Variants in CADM1 observed in about 807,000 individuals in gnomAD.
The protein encoded by CADM1 is TSLC-1.
Under a neutral mutation model 53.1 loss-of-function variants are expected in CADM1, and 15 were observed. The observed-to-expected ratio is 0.28, with a 90% CI of 0.19 to 0.44. The LOEUF is 0.44. Among genes scored for constraint, CADM1 ranks in the 20% least tolerant of loss-of-function variants. The pLI, the probability that CADM1 is intolerant of heterozygous loss-of-function variation, is 1.00. For synonymous variants in CADM1, 281 were observed against 243.0 expected (o/e 1.16, Z -1.45); for missense variants, 434 against 611.3 (o/e 0.71, Z 3.06).
At chr11:115,238,986 T>C (rs914933393) in intron 2 of CADM1, among the ~76,000 whole-genome samples, 3 of 152,072 alleles carry the variant, frequency 2.0e-5, no homozygotes, top group South Asian at 2.1e-4. Flanking sequence ...TCAGGTTTTA[T>C]ACTAGAGATA....
intron 1 of CADM1, among the ~76,000 whole-genome samples, chr11:115,357,535 T>C (rs1945909321): frequency 6.6e-6 from 1 of 152,168 alleles, no homozygotes; most frequent in Non-Finnish European, 1.5e-5. Context: ...CAGTCAGCCT[T>C]GATTTCGGTG....
Position 115,173,889 on chromosome 11 carries a change from T to A in CADM1, c.*2585A>T, listed in dbSNP as rs1938892649. ...TTATACATCCTTCATTATTTTATAT[T>A]CCTTTAAAAAACACAAAAAACAAGT... On this transcript the variant is annotated 3_prime_UTR_variant, in exon 12 of 12. Transcript: ENST00000331581. 18 of 971,318 alleles carry A rather than the reference T, an allele frequency of 1.9e-5. No homozygotes were observed. The highest frequency in any genetic ancestry group is 2.2e-5 in the Non-Finnish European group (18 of 817,252). 60.2% of individuals were successfully genotyped at this position (971,318 alleles called of 1,614,324 possible). A position where few individuals can be genotyped will look rare whatever the true frequency, so the allele number is the denominator to read the frequency against.
chr11:115,231,306 T>G (rs528890135), intron 4 of CADM1, 47 bp downstream of exon 4: 2 of 1,606,634 alleles, frequency 1.2e-6, no homozygotes, highest in East Asian at 4.5e-5. Flanking sequence ...AAGGCATATC[T>G]GCTAGAATCA....
chr11:115,497,140 A>T (rs924257175), intron 1 of CADM1, among the ~76,000 whole-genome samples: 2 of 152,220 alleles, frequency 1.3e-5, no homozygotes, highest in Non-Finnish European at 2.9e-5. Flanking sequence ...CAAGAGCAAG[A>T]TACTTATTCT....
intron 1 of CADM1, among the ~76,000 whole-genome samples, chr11:115,485,387 A>G (rs1012843485): frequency 3.3e-5 from 5 of 152,220 alleles, no homozygotes; most frequent in Non-Finnish European, 7.3e-5. Context: ...AATGTGTATT[A>G]AAGAAGTAAC....
At chr11:115,354,513 T>G (rs1484679789) in intron 1 of CADM1, among the ~76,000 whole-genome samples, 2 of 152,178 alleles carry the variant, frequency 1.3e-5, no homozygotes, top group African/African-American at 4.8e-5. Context: ...TGAGCCTTGA[T>G]GACGGACCCT....
chr11:115,414,580 G>T (rs569627656), intron 1 of CADM1, among the ~76,000 whole-genome samples: 20 of 152,320 alleles, frequency 1.3e-4, no homozygotes, highest in Middle Eastern at 3.4e-3. Flanking sequence ...TGAAAGTGAT[G>T]ATAAGACAGC....
At chr11:115,413,654 T>C (rs1180781985) in intron 1 of CADM1, among the ~76,000 whole-genome samples, 1 of 149,020 alleles carries the variant, frequency 6.7e-6, no homozygotes, top group Non-Finnish European at 1.5e-5. Flanking sequence ...CTTTTTTTTT[T>C]TTTTCTCTGA....
At chr11:115,495,957 C>T (rs942130843) in intron 1 of CADM1, among the ~76,000 whole-genome samples, 12 of 152,098 alleles carry the variant, frequency 7.9e-5, no homozygotes, top group African/African-American at 2.2e-4. Flanking sequence ...TGACTGTGAC[C>T]CTTAAAAAGT....
intron 9 of CADM1, among the ~76,000 whole-genome samples, chr11:115,196,165 AT>A (rs1450392598): frequency 6.6e-6 from 1 of 152,180 alleles, no homozygotes; most frequent in African/African-American, 2.4e-5. Context: ...TGCCACAGAA[AT>A]GCTATAAAGT....
chr11:115,303,460 T>A (rs1357409754), intron 1 of CADM1, among the ~76,000 whole-genome samples: 2 of 152,058 alleles, frequency 1.3e-5, no homozygotes, highest in African/African-American at 4.8e-5. Flanking sequence ...GCAAGTCTAT[T>A]TTTCTTCCTG....
chr11:115,491,853 C>T (rs182876227), intron 1 of CADM1, among the ~76,000 whole-genome samples: 151 of 152,250 alleles, frequency 9.9e-4, no homozygotes, highest in South Asian at 2.1e-3. Flanking sequence ...ATCACAAAGA[C>T]AGAAAACCAA....
intron 1 of CADM1, among the ~76,000 whole-genome samples, chr11:115,294,952 T>C (rs1789159969): frequency 6.6e-6 from 1 of 152,070 alleles, no homozygotes; most frequent in Non-Finnish European, 1.5e-5. Context: ...GGCAGGAGAA[T>C]TGCTTGAACC....
At chr11:115,209,734 T>G in intron 7 of CADM1, 77 bp from the exon 8 acceptor site, 2 of 1,543,848 alleles carry the variant, frequency 1.3e-6, no homozygotes, top group East Asian at 2.3e-5. Context: ...AACAAAGGCA[T>G]GAGGACATTG....
intron 7 of CADM1, 190 bp downstream of exon 7, chr11:115,214,418 A>G: frequency 1.6e-6 from 1 of 619,920 alleles, no homozygotes; most frequent in Non-Finnish European, 2.9e-6. Flanking sequence ...CCACCATTAG[A>G]GGGAGAGAAG....
chr11:115,215,125 A>C (rs1429094818), intron 6 of CADM1, among the ~76,000 whole-genome samples: 1 of 152,216 alleles, frequency 6.6e-6, no homozygotes, highest in Non-Finnish European at 1.5e-5. Context: ...TTAACATCTC[A>C]TTAATTAGGA....
intron 1 of CADM1, 78 bp downstream of exon 1, chr11:115,504,193 C>A: frequency 1.9e-6 from 3 of 1,545,244 alleles, no homozygotes; most frequent in Non-Finnish European, 2.6e-6. Flanking sequence ...GTCATGGAAA[C>A]GTTTCCCCCC....
chr11:115,279,249 G>A (rs181887698), intron 1 of CADM1, among the ~76,000 whole-genome samples: 14 of 152,216 alleles, frequency 9.2e-5, no homozygotes, highest in East Asian at 7.7e-4. Flanking sequence ...TTAAGTAGAC[G>A]TTTCAAGGTT....
Position 115,267,264 on chromosome 11 carries a change from C to T in CADM1, c.125-26844G>A, listed in dbSNP as rs190282836. ...CAAATATTACTTTCTTTGTAGGCAA[C>T]GCTCCACAATTATAGCTCAGACAAA... On this transcript the variant is annotated intron_variant, in intron 1 of 11. Transcript: ENST00000331581. 2.1e-3 allele frequency among the ~76,000 whole-genome samples: 315 copies of T among 152,316 alleles called. 1 individual carries two copies. The highest frequency in any genetic ancestry group is 7.2e-3 in the African/African-American group (299 of 41,576).
Sources: allele counts gnomAD v4.1 joint callset (sites outside exome capture counted in the v4.1 genomes callset), GRCh38; gene constraint gnomAD v4.1.1; transcripts MANE v1.5; gene names NCBI Gene and HGNC (gene_info 2026-07-23, HGNC 2026-07-21).